The following LRRK1 variants were observed in gnomAD, a reference collection of about 807,000 sequenced individuals.
LRRK1 encodes leucine-rich repeat serine/threonine-protein kinase 1.
Under a neutral mutation model 209.1 loss-of-function variants are expected in LRRK1, and 113 were observed. That is an observed-to-expected ratio of 0.54 (90% CI 0.46 to 0.63). The LOEUF (loss-of-function observed/expected upper bound fraction) is 0.63, where lower values mean the gene tolerates loss of function less well. Ranked by LOEUF, LRRK1 falls within the 30% of genes least tolerant of loss-of-function variation. The pLI, the probability that LRRK1 is intolerant of heterozygous loss-of-function variation, is 0.00. For missense variants in LRRK1, 2,284 were observed against 2,632.2 expected (o/e 0.87, Z 2.89); for synonymous variants, 1,144 against 1,099.7 (o/e 1.04, Z -0.80).
intron 2 of LRRK1, among the ~76,000 whole-genome samples, chr15:100,939,881 T>G (rs181072024): frequency 2.0e-3 from 299 of 151,960 alleles, no homozygotes; most frequent in Non-Finnish European, 2.8e-3. Context: ...GAAGGTGGGG[T>G]TTTTTTTCCT....
At chr15:101,025,365 A>T (rs1235074270) in intron 16 of LRRK1, among the ~76,000 whole-genome samples, 1 of 152,190 alleles carries the variant, frequency 6.6e-6, no homozygotes, top group Admixed American at 6.5e-5. Flanking sequence ...CCCTCAATGC[A>T]ACAGTCCCTC....
In LRRK1 at chr15:100,919,361, G is replaced by A. The variant is rs1292954815; in HGVS notation, c.-213G>A. ...CCCGGCCCCGGCGCGGGGGGCAGAC[G>A]GCGGTGGGACGGCCAGGCCCCGGCC... On this transcript the variant is annotated 5_prime_UTR_variant, in exon 1 of 34. Transcript: ENST00000388948. The surrounding 1 kb of genome is among the most constrained non-coding windows in gnomAD (Gnocchi z 5.8). 1 of 149,196 alleles carries A rather than the reference G, an allele frequency of 6.7e-6. No individual in the cohort carries two copies. The highest frequency in any genetic ancestry group is 1.5e-5 in the Non-Finnish European group (1 of 66,826). 9.2% of individuals were successfully genotyped at this position (149,196 alleles called of 1,614,324 possible).
chr15:100,972,764 C>G (rs984331312), intron 2 of LRRK1, among the ~76,000 whole-genome samples: 4 of 152,230 alleles, frequency 2.6e-5, no homozygotes, highest in Middle Eastern at 3.4e-3. Context: ...AGTATTCTTT[C>G]CCTATTTCTG....
At chr15:101,049,514 A>T in intron 22 of LRRK1, 130 bp from the exon 23 acceptor site, 1 of 1,024,182 alleles carries the variant, frequency 9.8e-7, no homozygotes, top group Non-Finnish European at 1.4e-6. Flanking sequence ...GGAGTCCCCC[A>T]TCGGTCCTGC....
chr15:100,946,074 C>G (rs2141616403), intron 2 of LRRK1, among the ~76,000 whole-genome samples: 1 of 152,182 alleles, frequency 6.6e-6, no homozygotes, highest in Middle Eastern at 3.4e-3. Flanking sequence ...CTAAGAACAC[C>G]TTAAACTCTT....
At chr15:100,956,443 C>CTTTTTTTTTTT (rs2042758560) in intron 2 of LRRK1, among the ~76,000 whole-genome samples, 1 of 36,660 alleles carries the variant, frequency 2.7e-5, no homozygotes, top group African/African-American at 1.1e-4. Flanking sequence ...GCTTTTCTTT[C>CTTTTTTTTTTT]CTTTTTTTTT....
chr15:101,014,875 C>G (rs1285683158), intron 11 of LRRK1, among the ~76,000 whole-genome samples: 2 of 152,180 alleles, frequency 1.3e-5, no homozygotes. Flanking sequence ...GGAAACAGCC[C>G]CTAATGGTGT....
chr15:100,990,107 C>T (rs1476944503), intron 6 of LRRK1, among the ~76,000 whole-genome samples: 1 of 152,106 alleles, frequency 6.6e-6, no homozygotes, highest in African/African-American at 2.4e-5. Flanking sequence ...AAAACATTTA[C>T]AAAACTATAC....
intron 20 of LRRK1, among the ~76,000 whole-genome samples, chr15:101,038,843 C>A (rs2034608798): frequency 6.6e-6 from 1 of 152,188 alleles, no homozygotes; most frequent in African/African-American, 2.4e-5. Flanking sequence ...GGCCATCTTG[C>A]CTTCTTCTGT....
chr15:101,021,190 C>T lies in LRRK1; in HGVS notation c.1739+8C>T, dbSNP rs769445199. ...AGAGCTCTACTTGGGAAAGTAAGTA[C>T]ACATCTGGAGGGGCCGTGCTGGCTC... On this transcript the variant is annotated splice_region_variant and intron_variant, in intron 13 of 33. Transcript: ENST00000388948. 6.2e-7 allele frequency: 1 copy of T among 1,614,080 alleles called. No homozygotes were observed. Among genetic ancestry groups the T allele is most frequent in the South Asian group, 1.1e-5 (1 of 91,070 alleles).
chr15:101,024,015 G>T lies in LRRK1; in HGVS notation c.2068-788G>T, dbSNP rs2141712825. ...GCTGAGGCCTGAGGGGTGAATTCGT[G>T]CTTCTATTTTTCCTGACCTTCACCC... On this transcript the variant is annotated intron_variant, in intron 15 of 33. Transcript: ENST00000388948. This position sits in a 1 kb window ranked among gnomAD's most constrained non-coding sequence, Gnocchi z 4.6. Among the ~76,000 whole-genome samples, 1 of 152,216 alleles carries T rather than the reference G, an allele frequency of 6.6e-6. No homozygotes were observed. Among genetic ancestry groups the T allele is most frequent in the East Asian group, 1.9e-4 (1 of 5,178 alleles).
intron 2 of LRRK1, among the ~76,000 whole-genome samples, chr15:100,950,092 A>T (rs931276763): frequency 6.6e-6 from 1 of 152,258 alleles, no homozygotes; most frequent in African/African-American, 2.4e-5. Context: ...ATCATACTGT[A>T]CGTAGAATAT....
Position 101,027,901 on chromosome 15 carries a change from AGCCTGCGTTTCT to A in LRRK1, c.2686+109_2686+120del. 1 of 1,081,126 alleles carries A rather than the reference AGCCTGCGTTTCT, an allele frequency of 9.2e-7. No homozygotes were observed. The highest frequency in any genetic ancestry group is 1.7e-5 in the South Asian group (1 of 60,422). 67.0% of individuals were successfully genotyped at this position (1,081,126 alleles called of 1,614,324 possible). ...AGTAATGAATGAGAGACCGACACCC[AGCCTGCGTTTCT>A]GCCTTCCATCCCCCTCCCCTTCCTT... On this transcript the variant is annotated intron_variant, in intron 19 of 33. Transcript: ENST00000388948. The surrounding 1 kb of genome is among the most constrained non-coding windows in gnomAD (Gnocchi z 5.1).
intron 6 of LRRK1, among the ~76,000 whole-genome samples, chr15:100,991,743 A>G (rs1311967212): frequency 6.6e-6 from 1 of 152,168 alleles, no homozygotes; most frequent in Non-Finnish European, 1.5e-5. Flanking sequence ...AGAAATCTCA[A>G]AAACTGAATA....
chr15:101,066,258 C>G, intron 32 of LRRK1, 53 bp downstream of exon 32: 1 of 1,548,546 alleles, frequency 6.5e-7, no homozygotes. Context: ...TGCTCCTGCT[C>G]TGGGGACAGA....
At chr15:101,053,626 C>T (rs34795289) in intron 26 of LRRK1, among the ~76,000 whole-genome samples, 61,844 of 151,928 alleles carry the variant, frequency 0.41, 12,920 homozygotes, top group Non-Finnish European at 0.44. Flanking sequence ...GACGGGGGAG[C>T]GCACACTCTG....
intron 2 of LRRK1, among the ~76,000 whole-genome samples, chr15:100,968,312 T>C (rs976365616): frequency 3.9e-5 from 6 of 152,244 alleles, no homozygotes; most frequent in African/African-American, 1.2e-4. Context: ...GCTGTGAATA[T>C]TGTTGGATAC....
At position 100,963,793 on chromosome 15, in the gene LRRK1, A is replaced by G. The variant is rs148617773; in HGVS notation, c.98-10011A>G. Among the ~76,000 whole-genome samples, 145 of 152,310 alleles carry G rather than the reference A, an allele frequency of 9.5e-4. 1 individual carries two copies. The highest frequency in any genetic ancestry group is 3.3e-3 in the African/African-American group (136 of 41,562). ...TTGGCAAGGCCTCCCACGATGGCCA[A>G]TGGACCAGAGGATGCACCCATTTCC... On this transcript the variant is annotated intron_variant, in intron 2 of 33. Transcript: ENST00000388948.
intron 2 of LRRK1, among the ~76,000 whole-genome samples, chr15:100,941,605 C>T (rs1307469004): frequency 6.6e-6 from 1 of 151,988 alleles, no homozygotes; most frequent in Non-Finnish European, 1.5e-5. Flanking sequence ...TCCTCAGATG[C>T]TTGCGGGTGC....
Sources: gnomAD v4.1 joint callset for allele counts (sites outside exome capture counted in the v4.1 genomes callset) on GRCh38, gnomAD v4.1.1 for gene constraint, Gnocchi (gnomAD v3.1) non-coding constraint, MANE v1.5 for transcripts, NCBI Gene and HGNC (gene_info 2026-07-23, HGNC 2026-07-21) for gene names.